Variants in CHRM3 observed in about 807,000 individuals in gnomAD.
CHRM3 encodes muscarinic acetylcholine receptor M3.
In CHRM3, 11 loss-of-function variants were observed where a neutral mutation model predicts 41.8. The observed-to-expected ratio is 0.26, with a 90% CI of 0.17 to 0.44. The LOEUF (loss-of-function observed/expected upper bound fraction) is 0.44. Among genes scored for constraint, CHRM3 ranks in the 20% least tolerant of loss-of-function variants. The pLI is 1.00. For synonymous variants in CHRM3, 297 were observed against 301.4 expected, an observed-to-expected ratio of 0.99 and a Z score of 0.15; for missense variants, 571 against 745.4, an observed-to-expected ratio of 0.77 and a Z score of 2.72.
intron 1 of CHRM3, among the ~76,000 whole-genome samples, chr1:239,445,213 C>A (rs571687439): frequency 6.6e-6 from 1 of 152,268 alleles, no homozygotes; most frequent in East Asian, 1.9e-4. Context: ...GCTAGCTGGT[C>A]TAATAATGAT....
chr1:239,643,093 C>T (rs12057204), intron 4 of CHRM3, among the ~76,000 whole-genome samples: 41,219 of 152,006 alleles, frequency 0.27, 5,753 homozygotes, highest in Admixed American at 0.3. Context: ...GTTCGTGATC[C>T]GCGAATCCTG....
chr1:239,410,953 T>A (rs1661016071), intron 1 of CHRM3, among the ~76,000 whole-genome samples: 1 of 152,352 alleles, frequency 6.6e-6, no homozygotes, highest in East Asian at 1.9e-4. Context: ...ATGTGCTTTG[T>A]TCCAACTGGG....
intron 3 of CHRM3, among the ~76,000 whole-genome samples, chr1:239,599,552 T>A (rs1446668454): frequency 6.6e-6 from 1 of 150,540 alleles, no homozygotes; most frequent in Non-Finnish European, 1.5e-5. Context: ...ACTGAAGGAG[T>A]GCAAGACTTG....
chr1:239,813,640 G>A (rs116510514), intron 5 of CHRM3, among the ~76,000 whole-genome samples: 1,900 of 151,794 alleles, frequency 0.013, 47 homozygotes, highest in African/African-American at 0.044. Flanking sequence ...ACAGTTGGCC[G>A]GGCGCGGTGG....
At chr1:239,847,654 C>T (rs1229397619) in intron 6 of CHRM3, among the ~76,000 whole-genome samples, 1 of 152,090 alleles carries the variant, frequency 6.6e-6, no homozygotes, top group Non-Finnish European at 1.5e-5. Flanking sequence ...CACTTGATCC[C>T]ATGAGTTCCA....
chr1:239,459,270 GA>G (rs199536234), intron 1 of CHRM3, among the ~76,000 whole-genome samples: 167 of 151,506 alleles, frequency 1.1e-3, no homozygotes, highest in Admixed American at 5.3e-3. Flanking sequence ...TTAAAGCCAA[GA>G]AAAAAAACAT....
intron 6 of CHRM3, among the ~76,000 whole-genome samples, chr1:239,867,685 CA>C (rs36006087): frequency 1.0e-3 from 141 of 134,822 alleles, no homozygotes; most frequent in African/African-American, 1.1e-3. Context: ...GACTCTGTCT[CA>C]AAAAAAAAAA....
At chr1:239,793,248 G>A (rs1669492737) in intron 5 of CHRM3, among the ~76,000 whole-genome samples, 1 of 152,134 alleles carries the variant, frequency 6.6e-6, no homozygotes, top group Non-Finnish European at 1.5e-5. Flanking sequence ...TTCATTTAAT[G>A]TAGTTTTACC....
At chr1:239,892,331 G>T (rs568020305) in intron 6 of CHRM3, among the ~76,000 whole-genome samples, 37 of 152,214 alleles carry the variant, frequency 2.4e-4, no homozygotes, top group African/African-American at 8.2e-4. Context: ...TTCTGTACTT[G>T]TTTCATTTTC....
chr1:239,619,025 T>C (rs528678074), intron 3 of CHRM3, among the ~76,000 whole-genome samples: 7 of 151,178 alleles, frequency 4.6e-5, no homozygotes, highest in Non-Finnish European at 1.0e-4. Context: ...AGTAATTCTC[T>C]TGCCTCAGCC....
intron 3 of CHRM3, among the ~76,000 whole-genome samples, chr1:239,590,281 T>TTACG (rs1402564901): frequency 2.0e-5 from 3 of 152,344 alleles, no homozygotes; most frequent in Admixed American, 2.0e-4. Flanking sequence ...ATTCAGTGAT[T>TTACG]TAAATCAACC....
intron 4 of CHRM3, among the ~76,000 whole-genome samples, chr1:239,677,331 T>TA (rs1283576366): frequency 6.6e-6 from 1 of 152,260 alleles, no homozygotes; most frequent in Non-Finnish European, 1.5e-5. Context: ...GAATGTCAAA[T>TA]ACTTGTTGCC....
At chr1:239,742,524 A>G (rs1014548153) in intron 5 of CHRM3, among the ~76,000 whole-genome samples, 4 of 152,166 alleles carry the variant, frequency 2.6e-5, no homozygotes, top group Non-Finnish European at 5.9e-5. Context: ...TACCAGTCCA[A>G]GATGGAGAGA....
intron 4 of CHRM3, among the ~76,000 whole-genome samples, chr1:239,634,402 A>G (rs929127558): frequency 6.7e-6 from 1 of 149,130 alleles, no homozygotes; most frequent in African/African-American, 2.5e-5. Flanking sequence ...AGAAAGAAAG[A>G]AAGGAAAGAA....
At chr1:239,638,845 A>G (rs541361053) in intron 4 of CHRM3, among the ~76,000 whole-genome samples, 114 of 152,292 alleles carry the variant, frequency 7.5e-4, no homozygotes, top group African/African-American at 2.6e-3. Context: ...GCCCATGTCT[A>G]TGTCCTGAAT....
At chr1:239,737,185 G>T (rs534139849) in intron 5 of CHRM3, among the ~76,000 whole-genome samples, 1 of 152,000 alleles carries the variant, frequency 6.6e-6, no homozygotes, top group African/African-American at 2.4e-5. Context: ...TGGTCATCAG[G>T]GCATATTTAT....
chr1:239,850,881 T>G (rs2149221071), intron 6 of CHRM3, among the ~76,000 whole-genome samples: 1 of 152,298 alleles, frequency 6.6e-6, no homozygotes, highest in East Asian at 1.9e-4. Context: ...TTAAACCTCT[T>G]TCCTTTATAA....
Position 239,632,235 on chromosome 1 carries a change from T to C in CHRM3, c.-301T>C, listed in dbSNP as rs1669933152. The C allele has an allele frequency of 6.6e-6, 1 of 152,236 alleles. No homozygotes were observed. Among genetic ancestry groups the C allele is most frequent in the Admixed American group, 6.5e-5 (1 of 15,278 alleles). The allele number at this position is 152,236 out of a possible 1,614,324, so 9.4% of individuals were successfully genotyped here. On this transcript the variant is annotated 5_prime_UTR_variant, in exon 4 of 7. Coordinates refer to ENST00000676153, the MANE Select transcript of CHRM3 (RefSeq NM_001375978.1). ...TTGTTCTTTTCTAGCACTTGTGTTCTGATTAGTGGCCAAATAAATGACAGT... is the reference window on the plus strand; with the variant it reads ...TTGTTCTTTTCTAGCACTTGTGTTCCGATTAGTGGCCAAATAAATGACAGT...
At chr1:239,513,548 T>C (rs1181446363) in intron 2 of CHRM3, among the ~76,000 whole-genome samples, 1 of 152,240 alleles carries the variant, frequency 6.6e-6, no homozygotes. Context: ...GATACATGTT[T>C]TGCAAATATT....
Sources: gnomAD v4.1 joint callset for allele counts (sites outside exome capture counted in the v4.1 genomes callset) on GRCh38, gnomAD v4.1.1 for gene constraint, MANE v1.5 for transcripts, NCBI Gene and HGNC (gene_info 2026-07-23, HGNC 2026-07-21) for gene names.